LINGO3: variants seen among roughly 807,000 people sequenced by gnomAD.
LINGO3 encodes leucine-rich repeat and immunoglobulin-like domain-containing nogo receptor-interacting protein 3.
For synonymous variants in LINGO3, 427 were observed against 444.2 expected (o/e 0.96, Z 0.49); for missense variants, 750 against 867.7 (o/e 0.86, Z 1.70).
upstream of LINGO3, among the ~76,000 whole-genome samples, chr19:2,294,277 AG>A (rs906869958): frequency 5.3e-4 from 81 of 152,220 alleles, 1 homozygote; most frequent in African/African-American, 1.9e-3. The surrounding 1 kb of genome is among the most constrained non-coding windows in gnomAD (Gnocchi z 4.3). Context: ...GGCAGAGGCT[AG>A]GGTGACACAG....
chr19:2,287,524 G>A (rs1235012943), downstream of LINGO3, among the ~76,000 whole-genome samples: 5 of 152,220 alleles, frequency 3.3e-5, no homozygotes, highest in Non-Finnish European at 5.9e-5. The surrounding 1 kb of genome is among the most constrained non-coding windows in gnomAD (Gnocchi z 4.5). Flanking sequence ...TCTGTACATC[G>A]TGGTGCTGGC....
chr19:2,290,999 C>T lies in LINGO3; in HGVS notation c.778G>A (p.Ala260Thr), dbSNP rs972777565. The T allele has an allele frequency of 1.9e-6, 3 of 1,611,492 alleles. No individual in the cohort carries two copies. Among genetic ancestry groups the T allele is most frequent in the Non-Finnish European group, 2.5e-6 (3 of 1,179,446 alleles). ...TGCCGCAGCGCGGCGGCCGGCACGG[C>T]GGTGATGTTGGTGTGGGTGACCGAC... The change falls in exon 1 of 1, where the codon GCC becomes ACC. Residue 260 changes from alanine (A) to threonine (T), a missense_variant. Ala to Thr is a moderately conservative substitution (Grantham distance 58). Transcript: ENST00000585527. The surrounding 1 kb of genome is among the most constrained non-coding windows in gnomAD (Gnocchi z 6.0).
chr19:2,301,140 C>G, the LINGO3 span, among the ~76,000 whole-genome samples: 1 of 152,172 alleles, frequency 6.6e-6, no homozygotes, highest in Non-Finnish European at 1.5e-5. Context: ...TTGAAATCCA[C>G]GCCCTGAGTG....
At chr19:2,307,730 C>A in the LINGO3 span, among the ~76,000 whole-genome samples, 5 of 152,048 alleles carry the variant, frequency 3.3e-5, no homozygotes, top group Non-Finnish European at 7.4e-5. Flanking sequence ...ACGTTCCCCA[C>A]ACCCCAGACC....
At position 2,290,408 on chromosome 19, in the gene LINGO3, C is replaced by G. The variant is rs1430933475; in HGVS notation, c.1369G>C (p.Ala457Pro). The G allele has an allele frequency of 7.0e-7, 1 of 1,427,614 alleles. No individual in the cohort carries two copies. Among genetic ancestry groups the G allele is most frequent in the Admixed American group, 3.0e-5 (1 of 33,088 alleles). 88.4% of individuals were successfully genotyped at this position (1,427,614 alleles called of 1,614,324 possible). A position where few individuals can be genotyped will look rare whatever the true frequency, so the allele number is the denominator to read the frequency against. Residue 457 changes from alanine to proline, a missense_variant, in exon 1 of 1, where the codon GCG (alanine) becomes CCG (proline). Physicochemically the swap from Ala to Pro is conservative, Grantham distance 27. Coordinates refer to ENST00000585527, the Ensembl canonical transcript of LINGO3. This position sits in a 1 kb window ranked among gnomAD's most constrained non-coding sequence, Gnocchi z 6.0. The stretch of plus-strand genomic sequence containing the variant: ...AGCGTCCCCCCGGGGAGCACGCGCG[C>G]CCGGCCCGCGCTGGTGGCCGTCACC...
exon 1 of LINGO3, chr19:2,291,064 A>C (rs753251920): frequency 1.2e-6 from 2 of 1,609,814 alleles, no homozygotes; most frequent in East Asian, 2.2e-5. Context: ...GCCCGCCGCC[A>C]CCTCCTCCAG....
downstream of LINGO3, among the ~76,000 whole-genome samples, chr19:2,289,532 T>G (rs28463184): frequency 0.19 from 28,507 of 151,986 alleles, 3,407 homozygotes; most frequent in African/African-American, 0.32. Context: ...CTTGGGGCTG[T>G]GGGGCCCTTT....
chr19:2,290,346 G>A lies in LINGO3; in HGVS notation c.1431C>T (p.Thr477=). 1 of 1,527,440 alleles carries A rather than the reference G, an allele frequency of 6.5e-7. No homozygotes were observed. The highest frequency in any genetic ancestry group is 2.5e-5 in the East Asian group (1 of 39,260). 94.6% of individuals were successfully genotyped at this position (1,527,440 alleles called of 1,614,324 possible). ...CCGCGTTGCTGGCCACGCACGTGTA[G>A]GTGCCGCTGTCCTGCGGCCGCGCGT... Residue 477 remains threonine (T), a synonymous_variant, in exon 1 of 1, where the codon ACC becomes ACT. Coordinates refer to ENST00000585527, the Ensembl canonical transcript of LINGO3. This position sits in a 1 kb window ranked among gnomAD's most constrained non-coding sequence, Gnocchi z 6.0.
upstream of LINGO3, among the ~76,000 whole-genome samples, chr19:2,296,908 GA>G (rs1464005716): frequency 6.8e-6 from 1 of 147,690 alleles, no homozygotes; most frequent in Non-Finnish European, 1.5e-5. Context: ...CTAACATGGT[GA>G]AACCCCGTCT....
the LINGO3 span, among the ~76,000 whole-genome samples, chr19:2,306,374 C>T: frequency 1.9e-4 from 29 of 152,284 alleles, no homozygotes; most frequent in African/African-American, 6.3e-4. Context: ...GGGGCCCACC[C>T]GGGGCCAACT....
upstream of LINGO3, among the ~76,000 whole-genome samples, chr19:2,294,614 G>C (rs2025557119): frequency 6.6e-6 from 1 of 151,890 alleles, no homozygotes; most frequent in South Asian, 2.1e-4. The surrounding 1 kb of genome is among the most constrained non-coding windows in gnomAD (Gnocchi z 4.3). Context: ...GGAGGGGGGC[G>C]GGGAGCTGGG....
exon 1 of LINGO3, chr19:2,289,784 A>T: frequency 2.6e-6 from 1 of 382,154 alleles, no homozygotes. Flanking sequence ...GGACAGGAAG[A>T]CGGGTTGAAA....
chr19:2,292,037 G>C (rs2025530142), upstream of LINGO3: 1 of 463,122 alleles, frequency 2.2e-6, no homozygotes, highest in South Asian at 1.8e-5. Flanking sequence ...AAAAATAAAA[G>C]ATGAGCCGCA....
At chr19:2,307,436 C>T in the LINGO3 span, among the ~76,000 whole-genome samples, 1 of 152,308 alleles carries the variant, frequency 6.6e-6, no homozygotes, top group South Asian at 2.1e-4. Context: ...GGACTCAGGG[C>T]CTCCCCTGGC....
the LINGO3 span, among the ~76,000 whole-genome samples, chr19:2,298,732 G>C: frequency 3.3e-5 from 5 of 151,862 alleles, no homozygotes; most frequent in African/African-American, 9.7e-5. Context: ...GTAGAGATGG[G>C]ATTTCACCAT....
upstream of LINGO3, among the ~76,000 whole-genome samples, chr19:2,294,641 G>T (rs2025557286): frequency 6.6e-6 from 1 of 151,972 alleles, no homozygotes; most frequent in African/African-American, 2.4e-5. This position sits in a 1 kb window ranked among gnomAD's most constrained non-coding sequence, Gnocchi z 4.3. Context: ...GGGGCCTCTG[G>T]GTGGGGGGCA....
At chr19:2,297,105 AAAG>A in the LINGO3 span, among the ~76,000 whole-genome samples, 9 of 151,658 alleles carry the variant, frequency 5.9e-5, no homozygotes, top group South Asian at 2.1e-4. Context: ...AAAAAATAAA[AAAG>A]AAGAAGAATA....
At chr19:2,294,371 G>A (rs192810783), upstream of LINGO3, among the ~76,000 whole-genome samples, 11 of 152,318 alleles carry the variant, frequency 7.2e-5, no homozygotes, top group Admixed American at 7.2e-4. This position sits in a 1 kb window ranked among gnomAD's most constrained non-coding sequence, Gnocchi z 4.3. Flanking sequence ...GAGGGCCCCC[G>A]GCCCTGCGGA....
chr19:2,302,037 T>C, the LINGO3 span, among the ~76,000 whole-genome samples: 1 of 149,926 alleles, frequency 6.7e-6, no homozygotes, highest in Non-Finnish European at 1.5e-5. Context: ...GTTCTTTTAT[T>C]TTTATTTATT....
Sources: allele counts gnomAD v4.1 joint callset (sites outside exome capture counted in the v4.1 genomes callset), GRCh38; gene constraint gnomAD v4.1.1; non-coding constraint Gnocchi (gnomAD v3.1); transcripts MANE v1.5; gene names NCBI Gene and HGNC (gene_info 2026-07-23, HGNC 2026-07-21).